CHRM3: variants seen among roughly 807,000 people sequenced by gnomAD.
The protein encoded by CHRM3 is muscarinic acetylcholine receptor M3.
In CHRM3, 11 loss-of-function variants were observed where a neutral mutation model predicts 41.8. That is an observed-to-expected ratio of 0.26 (90% CI 0.17 to 0.44). CHRM3 has a LOEUF of 0.44. Among genes scored for constraint, CHRM3 ranks in the 20% least tolerant of loss-of-function variants. The pLI, the probability that CHRM3 is intolerant of heterozygous loss-of-function variation, is 1.00. For synonymous variants in CHRM3, 297 were observed against 301.4 expected, an observed-to-expected ratio of 0.99 and a Z score of 0.15; for missense variants, 571 against 745.4, an observed-to-expected ratio of 0.77 and a Z score of 2.72.
At chr1:239,550,075 T>A (rs1183031683) in intron 3 of CHRM3, among the ~76,000 whole-genome samples, 1 of 151,914 alleles carries the variant, frequency 6.6e-6, no homozygotes, top group Non-Finnish European at 1.5e-5. Context: ...TGTGACCCTC[T>A]CTCACATGTT....
At chr1:239,499,412 T>C (rs1264090975) in intron 2 of CHRM3, among the ~76,000 whole-genome samples, 1 of 152,186 alleles carries the variant, frequency 6.6e-6, no homozygotes, top group Non-Finnish European at 1.5e-5. Flanking sequence ...TATTGAACAC[T>C]TACTGTATGT....
intron 6 of CHRM3, among the ~76,000 whole-genome samples, chr1:239,831,349 G>C (rs1265271619): frequency 6.6e-6 from 1 of 152,142 alleles, no homozygotes; most frequent in Non-Finnish European, 1.5e-5. Flanking sequence ...CAAAACAGGA[G>C]AGCAGCCAAC....
chr1:239,716,923 A>G (rs181989402), intron 5 of CHRM3, among the ~76,000 whole-genome samples: 16 of 152,196 alleles, frequency 1.1e-4, no homozygotes, highest in Admixed American at 1.3e-4. Context: ...TTTGATTTTA[A>G]CCATCCATAT....
chr1:239,615,500 C>T (rs1667534104), intron 3 of CHRM3, among the ~76,000 whole-genome samples: 1 of 152,090 alleles, frequency 6.6e-6, no homozygotes. Flanking sequence ...GAAGACCAGG[C>T]AGTAGCTTTG....
rs1396846946 is a variant in CHRM3 at position 239,389,231 on chromosome 1, G to A, written c.-521+2004G>A. On this transcript the variant is annotated intron_variant, in intron 1 of 6. Transcript: ENST00000676153. ...AAGGAGCAAATGTGGAATTGGTCAA[G>A]TTTTAAAGAAAGAACAAGTGTTATA... Among the ~76,000 whole-genome samples, 3 of 152,282 alleles carry A rather than the reference G, an allele frequency of 2.0e-5. No individual in the cohort carries two copies. The East Asian group carries it at 5.8e-4, about 29-fold the overall frequency.
intron 2 of CHRM3, among the ~76,000 whole-genome samples, chr1:239,522,035 CTTTTCT>C (rs781307498): frequency 2.7e-4 from 30 of 112,640 alleles, no homozygotes; most frequent in Middle Eastern, 5.8e-3. Context: ...CTTTTCTTTT[CTTTTCT>C]TTTTTGCCAT....
chr1:239,631,369 A>G (rs1044192912), intron 3 of CHRM3, among the ~76,000 whole-genome samples: 2 of 152,018 alleles, frequency 1.3e-5, no homozygotes, highest in African/African-American at 4.8e-5. Context: ...TCTACTTCTT[A>G]CCTTACAGTC....
intron 5 of CHRM3, among the ~76,000 whole-genome samples, chr1:239,681,845 G>T (rs1658599106): frequency 3.3e-5 from 5 of 152,120 alleles, no homozygotes; most frequent in Admixed American, 3.3e-4. Flanking sequence ...ATGACAGCGA[G>T]CTATGATCAT....
intron 1 of CHRM3, among the ~76,000 whole-genome samples, chr1:239,464,926 G>T (rs1421506425): frequency 1.3e-5 from 2 of 152,088 alleles, no homozygotes; most frequent in Non-Finnish European, 2.9e-5. Context: ...TTAATATCTA[G>T]TGTAGCCTTG....
intron 6 of CHRM3, among the ~76,000 whole-genome samples, chr1:239,891,011 GA>G (rs1487691965): frequency 1.3e-5 from 2 of 152,294 alleles, no homozygotes; most frequent in South Asian, 4.1e-4. Flanking sequence ...CTTACAGGAT[GA>G]AGTCATCTGC....
At chr1:239,417,988 A>G (rs534871166) in intron 1 of CHRM3, among the ~76,000 whole-genome samples, 1 of 152,330 alleles carries the variant, frequency 6.6e-6, no homozygotes, top group South Asian at 2.1e-4. Flanking sequence ...AAGAAAGCTA[A>G]GTTTCAGATC....
intron 3 of CHRM3, among the ~76,000 whole-genome samples, chr1:239,598,744 C>A (rs1665114964): frequency 6.6e-6 from 1 of 152,094 alleles, no homozygotes; most frequent in African/African-American, 2.4e-5. Flanking sequence ...TACTCCTTAC[C>A]TTTTCCCCTT....
chr1:239,711,983 AT>A (rs1661846868), intron 5 of CHRM3, among the ~76,000 whole-genome samples: 1 of 152,144 alleles, frequency 6.6e-6, no homozygotes, highest in South Asian at 2.1e-4. Context: ...CCCAGAGCCC[AT>A]CCCCCCAGGC....
intron 5 of CHRM3, among the ~76,000 whole-genome samples, chr1:239,734,918 T>G (rs1664274434): frequency 6.6e-6 from 1 of 152,130 alleles, no homozygotes; most frequent in Non-Finnish European, 1.5e-5. Context: ...TTGTGTATGT[T>G]GGAAATTTTC....
At chr1:239,709,504 AGTG>A (rs1661546136) in intron 5 of CHRM3, among the ~76,000 whole-genome samples, 1 of 152,188 alleles carries the variant, frequency 6.6e-6, no homozygotes, top group African/African-American at 2.4e-5. Flanking sequence ...CCTTTGAATC[AGTG>A]ACTTTATCTA....
intron 4 of CHRM3, among the ~76,000 whole-genome samples, chr1:239,632,957 G>A (rs1428939042): frequency 6.6e-6 from 1 of 152,180 alleles, no homozygotes; most frequent in East Asian, 1.9e-4. Flanking sequence ...AGAAGGCGAA[G>A]GGGAAGCAAG....
intron 6 of CHRM3, among the ~76,000 whole-genome samples, chr1:239,860,109 T>C (rs971539150): frequency 6.6e-6 from 1 of 152,014 alleles, no homozygotes; most frequent in African/African-American, 2.4e-5. Flanking sequence ...GCCTAAAAAA[T>C]TGGCAGATGA....
intron 5 of CHRM3, among the ~76,000 whole-genome samples, chr1:239,695,850 G>A (rs924571047): frequency 1.3e-5 from 2 of 152,208 alleles, no homozygotes; most frequent in Middle Eastern, 3.4e-3. Context: ...AACTTTACTT[G>A]TTTGGGGAAT....
At chr1:239,904,326 C>T (rs1462840865) in intron 6 of CHRM3, among the ~76,000 whole-genome samples, 2 of 152,120 alleles carry the variant, frequency 1.3e-5, no homozygotes, top group Admixed American at 1.3e-4. Context: ...CACTTATCGG[C>T]GTATGGGGCC....
Sources: allele counts gnomAD v4.1 joint callset (sites outside exome capture counted in the v4.1 genomes callset), GRCh38; gene constraint gnomAD v4.1.1; transcripts MANE v1.5; gene names NCBI Gene and HGNC (gene_info 2026-07-23, HGNC 2026-07-21).